PRKAR2A: variants seen among roughly 807,000 people sequenced by gnomAD.
PRKAR2A encodes protein kinase cAMP-dependent type II regulatory subunit alpha.
In PRKAR2A, 29 loss-of-function variants were observed where a neutral mutation model predicts 51.9. That is an observed-to-expected ratio of 0.56 (90% CI 0.42 to 0.76). The LOEUF is 0.76. Ranked by LOEUF, PRKAR2A falls within the 30% of genes least tolerant of loss-of-function variation. PRKAR2A has a pLI of 0.00. For missense variants in PRKAR2A, 445 were observed against 512.1 expected (o/e 0.87, Z 1.26); for synonymous variants, 178 against 186.2 (o/e 0.96, Z 0.36).
At chr3:48,800,581 A>G (rs2082573298) in intron 2 of PRKAR2A, among the ~76,000 whole-genome samples, 1 of 151,866 alleles carries the variant, frequency 6.6e-6, no homozygotes, top group Admixed American at 6.6e-5. Flanking sequence ...AGAAAGCCGC[A>G]TTTAAGGAAT....
chr3:48,797,097 A>C (rs914166908), intron 2 of PRKAR2A, among the ~76,000 whole-genome samples: 7 of 152,056 alleles, frequency 4.6e-5, no homozygotes, highest in African/African-American at 1.7e-4. Context: ...TGATGGCTAA[A>C]AGACTCCATG....
At position 48,756,457 on chromosome 3, in the gene PRKAR2A, A is replaced by T; in HGVS notation, c.874-13T>A. 1 of 1,608,432 alleles carries T rather than the reference A, an allele frequency of 6.2e-7. No individual in the cohort carries two copies. Among genetic ancestry groups the T allele is most frequent in the Non-Finnish European group, 8.5e-7 (1 of 1,174,950 alleles). On this transcript the variant is annotated splice_polypyrimidine_tract_variant and intron_variant, in intron 8 of 10. Transcript: ENST00000265563. Reference sequence around the variant, plus strand: ...CAGCCTTTTCACCCTGAAAGAAAAGAGAGGTCAGGTCAGAGCCATAAGTAG... The same window carrying T: ...CAGCCTTTTCACCCTGAAAGAAAAGTGAGGTCAGGTCAGAGCCATAAGTAG...
At chr3:48,827,786 G>A (rs1272816373) in intron 1 of PRKAR2A, among the ~76,000 whole-genome samples, 1 of 152,102 alleles carries the variant, frequency 6.6e-6, no homozygotes, top group Non-Finnish European at 1.5e-5. Flanking sequence ...GTATCCTTAG[G>A]CTACACAATC....
chr3:48,777,721 T>G (rs1355786711), intron 5 of PRKAR2A, among the ~76,000 whole-genome samples: 1 of 151,982 alleles, frequency 6.6e-6, no homozygotes, highest in Non-Finnish European at 1.5e-5. Flanking sequence ...TTTTTTATAT[T>G]CTAAATTTCC....
At chr3:48,781,119 C>T (rs926335670) in intron 5 of PRKAR2A, among the ~76,000 whole-genome samples, 18 of 150,694 alleles carry the variant, frequency 1.2e-4, no homozygotes, top group Admixed American at 1.1e-3. Context: ...CACAGGCGTG[C>T]ACCACCATGC....
In PRKAR2A at chr3:48,749,424, C is replaced by T. The variant is rs1193925794; in HGVS notation, c.*2161G>A. 1.3e-5 allele frequency: 2 copies of T among 151,968 alleles called. No individual in the cohort carries two copies. Among genetic ancestry groups the T allele is most frequent in the Non-Finnish European group, 2.9e-5 (2 of 68,016 alleles). 9.4% of individuals were successfully genotyped at this position (151,968 alleles called of 1,614,324 possible). On this transcript the variant is annotated 3_prime_UTR_variant, in exon 11 of 11. Transcript: ENST00000265563. ...GTTAACAATTAGAATCCCAAATACC[C>T]CAACATCTCAACTAGAAAGGCCTTC...
chr3:48,809,579 G>GAGCA, intron 1 of PRKAR2A, among the ~76,000 whole-genome samples: 1 of 102,248 alleles, frequency 9.8e-6, no homozygotes, highest in Non-Finnish European at 1.7e-5. Flanking sequence ...CTCGGTGACA[G>GAGCA]AGCAAGACTC....
chr3:48,748,944 C>T lies in PRKAR2A; in HGVS notation c.*2641G>A, dbSNP rs1394463295. On this transcript the variant is annotated 3_prime_UTR_variant, in exon 11 of 11. Transcript: ENST00000265563. ...AAAAGAGTCCTTCTGCTTTCGCTTC[C>T]TGGAGCTTAAGAAGAAAAGAGGAAT... 6.6e-6 allele frequency: 1 copy of T among 152,178 alleles called. No homozygotes were observed. Among genetic ancestry groups the T allele is most frequent in the Non-Finnish European group, 1.5e-5 (1 of 68,046 alleles). The allele number at this position is 152,178 out of a possible 1,614,324, so 9.4% of individuals were successfully genotyped here. A position where few individuals can be genotyped will look rare whatever the true frequency, so the allele number is the denominator to read the frequency against.
At chr3:48,767,985 A>AT (rs2081965981) in intron 6 of PRKAR2A, among the ~76,000 whole-genome samples, 1 of 150,564 alleles carries the variant, frequency 6.6e-6, no homozygotes, top group South Asian at 2.1e-4. Flanking sequence ...TTATTTATTT[A>AT]TTTAAAAAAA....
In PRKAR2A at chr3:48,836,648, C is replaced by T. The variant is rs549637467; in HGVS notation, c.262+10687G>A. Among the ~76,000 whole-genome samples the T allele has an allele frequency of 5.3e-5, 8 of 151,510 alleles. No homozygotes were observed. The South Asian group carries it at 1.5e-3, about 28-fold the overall frequency. Reference sequence around the variant, plus strand: ...AGAAAAAAGACACATCCGATTTCATCAGAATTAAAAACATTTGTGCTTCAA... The same window carrying T: ...AGAAAAAAGACACATCCGATTTCATTAGAATTAAAAACATTTGTGCTTCAA... On this transcript the variant is annotated intron_variant, in intron 1 of 10. Coordinates refer to ENST00000265563, the MANE Select transcript of PRKAR2A (RefSeq NM_004157.4).
intron 1 of PRKAR2A, among the ~76,000 whole-genome samples, chr3:48,830,574 C>G (rs2083172133): frequency 6.6e-6 from 1 of 152,024 alleles, no homozygotes; most frequent in African/African-American, 2.4e-5. Flanking sequence ...AGTCCCCAAC[C>G]TTTTTGGCAC....
intron 2 of PRKAR2A, among the ~76,000 whole-genome samples, chr3:48,796,880 T>C (rs575247229): frequency 2.0e-5 from 3 of 152,164 alleles, no homozygotes; most frequent in African/African-American, 7.2e-5. Flanking sequence ...TCAGCCAATT[T>C]TATCCTTGGC....
intron 5 of PRKAR2A, among the ~76,000 whole-genome samples, chr3:48,777,933 C>T (rs1016750171): frequency 6.6e-6 from 1 of 152,150 alleles, no homozygotes; most frequent in Admixed American, 6.6e-5. Context: ...CTCCTCCAGA[C>T]ACTAGCATTT....
chr3:48,757,788 G>T (rs959872497), intron 8 of PRKAR2A, among the ~76,000 whole-genome samples: 1 of 151,984 alleles, frequency 6.6e-6, no homozygotes, highest in African/African-American at 2.4e-5. Context: ...AGGTGTGGTG[G>T]CTCACGCCTG....
intron 1 of PRKAR2A, 28 bp from the exon 2 acceptor site, chr3:48,807,712 C>T (rs749623402): frequency 6.3e-7 from 1 of 1,592,092 alleles, no homozygotes; most frequent in African/African-American, 1.3e-5. Flanking sequence ...AACATTTAGT[C>T]ATTATTATGT....
intron 8 of PRKAR2A, among the ~76,000 whole-genome samples, chr3:48,758,044 G>A (rs190461147): frequency 1.3e-5 from 2 of 151,038 alleles, no homozygotes; most frequent in East Asian, 2.0e-4. Flanking sequence ...CGACAAGAAC[G>A]AAACTCTGTC....
chr3:48,847,601 G>A lies in PRKAR2A; in HGVS notation c.-5C>T. On this transcript the variant is annotated 5_prime_UTR_variant, in exon 1 of 11. Transcript: ENST00000265563. This position sits in a 1 kb window ranked among gnomAD's most constrained non-coding sequence, Gnocchi z 4.4. ...CGGGATCTGGATGTGGCTCATGCCG[G>A]CGGCGGCCGAAGGGATAGACGGGTT... The A allele has an allele frequency of 6.8e-7, 1 of 1,478,728 alleles. No individual in the cohort carries two copies. Among genetic ancestry groups the A allele is most frequent in the South Asian group, 1.4e-5 (1 of 71,866 alleles). 91.6% of individuals were successfully genotyped at this position (1,478,728 alleles called of 1,614,324 possible).
At chr3:48,781,370 C>A (rs1008588596) in intron 5 of PRKAR2A, among the ~76,000 whole-genome samples, 1 of 151,228 alleles carries the variant, frequency 6.6e-6, no homozygotes, top group Non-Finnish European at 1.5e-5. Flanking sequence ...GAGACTGAGT[C>A]TCACTCTATC....
At chr3:48,841,543 CAAAAAAAA>C (rs397874491) in intron 1 of PRKAR2A, among the ~76,000 whole-genome samples, 1 of 59,536 alleles carries the variant, frequency 1.7e-5, no homozygotes, top group Admixed American at 2.3e-4. Flanking sequence ...GACTCTGTCT[CAAAAAAAA>C]AAAAAAAAAA....
Sources: gnomAD v4.1 joint callset for allele counts (sites outside exome capture counted in the v4.1 genomes callset) on GRCh38, gnomAD v4.1.1 for gene constraint, Gnocchi (gnomAD v3.1) non-coding constraint, MANE v1.5 for transcripts, NCBI Gene and HGNC (gene_info 2026-07-23, HGNC 2026-07-21) for gene names.